HIVEP3: variants seen among roughly 807,000 people sequenced by gnomAD.
The protein encoded by HIVEP3 is HIVEP zinc finger 3, also known as transcription factor HIVEP3.
In HIVEP3, 49 loss-of-function variants were observed where a neutral mutation model predicts 152.8. The observed-to-expected ratio is 0.32, with a 90% CI of 0.26 to 0.41. The LOEUF (loss-of-function observed/expected upper bound fraction) is 0.41, where lower values mean the gene tolerates loss of function less well. Ranked by LOEUF, HIVEP3 falls within the 10% of genes least tolerant of loss-of-function variation. HIVEP3 has a pLI of 1.00. For missense variants in HIVEP3, 2,790 were observed against 3,103.3 expected (o/e 0.90, Z 2.40); for synonymous variants, 1,269 against 1,289.0 (o/e 0.98, Z 0.33).
intron 5 of HIVEP3, among the ~76,000 whole-genome samples, chr1:41,544,922 C>T (rs926831998): frequency 2.3e-5 from 2 of 86,622 alleles, no homozygotes; most frequent in Admixed American, 1.0e-4. Flanking sequence ...CCACCTCTAC[C>T]ACCACCATCA....
intron 1 of HIVEP3, among the ~76,000 whole-genome samples, chr1:41,941,160 A>C (rs1209885011): frequency 6.6e-6 from 1 of 152,188 alleles, no homozygotes; most frequent in Non-Finnish European, 1.5e-5. Context: ...AGACAGCAGG[A>C]AGGCAACCCT....
intron 1 of HIVEP3, among the ~76,000 whole-genome samples, chr1:41,872,935 A>G (rs182182407): frequency 6.6e-6 from 1 of 152,366 alleles, no homozygotes; most frequent in Non-Finnish European, 1.5e-5. Context: ...ACTGGGTCAT[A>G]TGCTGTGCAT....
Position 41,794,718 on chromosome 1 carries a change from C to T in HIVEP3, c.-800-93723G>A, listed in dbSNP as rs1223424455. On this transcript the variant is annotated intron_variant, in intron 1 of 8. Coordinates refer to ENST00000372583, the MANE Select transcript of HIVEP3 (RefSeq NM_024503.5). ...TTATTACTAGGCAAACTAAACTTTT[C>T]CCATGTTTATTAGGCTTTTTGAATT... 3.9e-5 allele frequency among the ~76,000 whole-genome samples: 6 copies of T among 152,136 alleles called. No homozygotes were observed. The East Asian group carries it at 1.2e-3, about 29-fold the overall frequency.
chr1:41,530,028 ACT>A (rs57219946), intron 5 of HIVEP3, among the ~76,000 whole-genome samples: 12,094 of 147,770 alleles, frequency 0.082, 1,591 homozygotes, highest in African/African-American at 0.28. Context: ...CTCAGACCAC[ACT>A]CACGCTCATA....
intron 5 of HIVEP3, among the ~76,000 whole-genome samples, chr1:41,529,307 A>G (rs1643154206): frequency 9.2e-6 from 1 of 108,918 alleles, no homozygotes; most frequent in African/African-American, 3.7e-5. Flanking sequence ...TCACCATCAC[A>G]CATGCTCACA....
chr1:41,814,103 A>G (rs1651121336), intron 1 of HIVEP3, among the ~76,000 whole-genome samples: 1 of 152,138 alleles, frequency 6.6e-6, no homozygotes, highest in South Asian at 2.1e-4. Context: ...TCCAAGGGAA[A>G]TCCCCAGAAG....
At chr1:41,977,670 G>A (rs956625843) in intron 1 of HIVEP3, among the ~76,000 whole-genome samples, 2 of 152,222 alleles carry the variant, frequency 1.3e-5, no homozygotes, top group African/African-American at 4.8e-5. Context: ...TTGAAAAGCT[G>A]CAACATACAA....
chr1:42,033,952 G>C (rs1006135901), intron 1 of HIVEP3, among the ~76,000 whole-genome samples: 3 of 152,184 alleles, frequency 2.0e-5, no homozygotes, highest in Admixed American at 1.3e-4. Context: ...TTATAGGACT[G>C]TTGTAAAATT....
chr1:41,977,130 T>C (rs1344573106), intron 1 of HIVEP3, among the ~76,000 whole-genome samples: 1 of 151,788 alleles, frequency 6.6e-6, no homozygotes, highest in Non-Finnish European at 1.5e-5. Context: ...GGAGAATGAG[T>C]TGGGGCCTAT....
chr1:41,518,553 C>T (rs1343001310), intron 6 of HIVEP3, 65 bp from the exon 7 acceptor site: 13 of 1,441,516 alleles, frequency 9.0e-6, no homozygotes, highest in African/African-American at 2.8e-5. Context: ...ACCCAGGGCT[C>T]ATGGAGGTAG....
intron 1 of HIVEP3, among the ~76,000 whole-genome samples, chr1:41,791,216 G>A (rs758615182): frequency 2.0e-5 from 3 of 151,930 alleles, no homozygotes; most frequent in Non-Finnish European, 4.4e-5. Flanking sequence ...TCAATAGCTT[G>A]GGCTCCTTTG....
chr1:41,815,818 G>A (rs1319847819), intron 1 of HIVEP3, among the ~76,000 whole-genome samples: 4 of 151,674 alleles, frequency 2.6e-5, no homozygotes, highest in South Asian at 2.1e-4. Context: ...TGCCCAAGCC[G>A]GAGTGCAGTG....
Position 41,584,646 on chromosome 1 carries a change from T to C in HIVEP3, c.152A>G (p.Gln51Arg), listed in dbSNP as rs1644476846. The C allele has an allele frequency of 6.3e-7, 1 of 1,599,184 alleles. No individual in the cohort carries two copies. Among genetic ancestry groups the C allele is most frequent in the Non-Finnish European group, 8.5e-7 (1 of 1,172,056 alleles). Residue 51 changes from glutamine to arginine, a missense_variant, in exon 4 of 9, where the codon CAA becomes CGA. This residue lies in a region of HIVEP3 where 209 missense variants were observed against 237.0 expected (regional missense o/e 0.88). Coordinates refer to ENST00000372583, the MANE Select transcript of HIVEP3 (RefSeq NM_024503.5). This position sits in a 1 kb window ranked among gnomAD's most constrained non-coding sequence, Gnocchi z 5.2. ...GTAATQESPA[Q>R]ELLAPQPFPG... ...GAAGGGCTGCGGGGCTAAGAGCTCTTGGGCGGGGCTCTCTTGGGTGGCAGC... is the reference window on the plus strand; with the variant it reads ...GAAGGGCTGCGGGGCTAAGAGCTCTCGGGCGGGGCTCTCTTGGGTGGCAGC...
intron 2 of HIVEP3, among the ~76,000 whole-genome samples, chr1:41,658,717 C>T (rs1284667209): frequency 6.6e-6 from 1 of 152,172 alleles, no homozygotes; most frequent in Non-Finnish European, 1.5e-5. Context: ...TCCCATCCCC[C>T]GCTTGGCAGA....
At chr1:41,518,311 AAAGG>A in intron 7 of HIVEP3, 87 bp downstream of exon 7, 1 of 1,086,740 alleles carries the variant, frequency 9.2e-7, no homozygotes, top group Non-Finnish European at 1.4e-6. Context: ...AAGCAGACAG[AAAGG>A]AAGCAGGGAA....
In HIVEP3 at chr1:41,623,523, A is replaced by G. The variant is rs189934931; in HGVS notation, c.-522+5226T>C. ...TGAGCAGCACAACCTCAGAAAGCAC[A>G]GGGGTTTTTCTATCCCCTTGAGGCT... On this transcript the variant is annotated intron_variant, in intron 3 of 8. Coordinates refer to ENST00000372583, the MANE Select transcript of HIVEP3 (RefSeq NM_024503.5). Among the ~76,000 whole-genome samples, 4 of 152,346 alleles carry G rather than the reference A, an allele frequency of 2.6e-5. No individual in the cohort carries two copies. In the East Asian group the frequency reaches 7.7e-4, roughly 29 times the overall value.
At chr1:41,998,944 G>A (rs1336012111) in intron 1 of HIVEP3, among the ~76,000 whole-genome samples, 1 of 118,678 alleles carries the variant, frequency 8.4e-6, no homozygotes, top group Non-Finnish European at 1.6e-5. Context: ...TCATCAGACT[G>A]GAGCGCAATG....
chr1:41,596,315 G>A (rs1424783074), intron 3 of HIVEP3, among the ~76,000 whole-genome samples: 2 of 152,216 alleles, frequency 1.3e-5, no homozygotes, highest in East Asian at 1.9e-4. Context: ...ATGCTTCCAG[G>A]GTGACCAGCC....
intron 3 of HIVEP3, among the ~76,000 whole-genome samples, chr1:41,589,541 A>G (rs1382312204): frequency 6.6e-6 from 1 of 152,242 alleles, no homozygotes; most frequent in Non-Finnish European, 1.5e-5. Flanking sequence ...AGGCGTCAGG[A>G]CAACATGACC....
Sources: allele counts gnomAD v4.1 joint callset (sites outside exome capture counted in the v4.1 genomes callset), GRCh38; gene constraint gnomAD v4.1.1; regional missense constraint gnomAD v4.1.1; non-coding constraint Gnocchi (gnomAD v3.1); transcripts MANE v1.5; gene names NCBI Gene and HGNC (gene_info 2026-07-23, HGNC 2026-07-21).